The following SLC16A12 variants were observed in gnomAD, a reference collection of about 807,000 sequenced individuals.
The protein encoded by SLC16A12 is monocarboxylate transporter 12.
A neutral mutation model predicts 42.4 loss-of-function variants in SLC16A12; 17 were observed. The ratio of observed to expected loss-of-function variants is 0.40; its 90% CI spans 0.27 to 0.60. SLC16A12 has a LOEUF of 0.60. SLC16A12 is among the 20% of genes least tolerant of loss of function. The probability of loss-of-function intolerance (pLI) is 0.42; values close to 1 mark genes in which losing one functional copy is unlikely to be tolerated. For missense variants in SLC16A12, 544 were observed against 623.0 expected (o/e 0.87, Z 1.35); for synonymous variants, 224 against 229.4 (o/e 0.98, Z 0.21).
chr10:89,477,486 C>T (rs1842598928), intron 2 of SLC16A12, among the ~76,000 whole-genome samples: 1 of 149,990 alleles, frequency 6.7e-6, no homozygotes, highest in South Asian at 2.1e-4. Flanking sequence ...ATCACTTGAA[C>T]CCAGGAGGAG....
rs1236555467 is a variant in SLC16A12, at chr10:89,432,160, G to A, written c.*904C>T. ...AGGAATGCGTCTGCAGTCTAAGTAAGAGCTTCTTCTCTGAAGGTAAAAGAC... is the reference window on the plus strand; with the variant it reads ...AGGAATGCGTCTGCAGTCTAAGTAAAAGCTTCTTCTCTGAAGGTAAAAGAC... On this transcript the variant is annotated 3_prime_UTR_variant, in exon 8 of 8. Transcript: ENST00000371790. 6.6e-6 allele frequency: 1 copy of A among 152,626 alleles called. No homozygotes were observed. The highest frequency in any genetic ancestry group is 1.5e-5 in the Non-Finnish European group (1 of 68,032). The allele number at this position is 152,626 out of a possible 1,614,324, so 9.5% of individuals were successfully genotyped here. A position where few individuals can be genotyped will look rare whatever the true frequency, so the allele number is the denominator to read the frequency against.
intron 2 of SLC16A12, among the ~76,000 whole-genome samples, chr10:89,548,468 C>A (rs928901529): frequency 2.6e-5 from 4 of 151,992 alleles, no homozygotes; most frequent in African/African-American, 7.2e-5. Flanking sequence ...GAGCAGCAGG[C>A]CGAGGACCAG....
chr10:89,537,793 C>T (rs1404671211), upstream of SLC16A12, among the ~76,000 whole-genome samples: 2 of 152,242 alleles, frequency 1.3e-5, no homozygotes, highest in Non-Finnish European at 2.9e-5. Flanking sequence ...GGCTTCCTTT[C>T]GTCTAAGTCA....
At chr10:89,494,388 T>C (rs566945081) in intron 2 of SLC16A12, among the ~76,000 whole-genome samples, 2 of 152,212 alleles carry the variant, frequency 1.3e-5, no homozygotes, top group Non-Finnish European at 2.9e-5. Flanking sequence ...TGCTCAAATA[T>C]GCTCATATAA....
chr10:89,516,396 G>C (rs1020285463), intron 2 of SLC16A12, among the ~76,000 whole-genome samples: 1 of 152,210 alleles, frequency 6.6e-6, no homozygotes, highest in Non-Finnish European at 1.5e-5. Context: ...TGCTGTGACA[G>C]ACCATTAACT....
chr10:89,432,390 A>C lies in SLC16A12; in HGVS notation c.*674T>G, dbSNP rs1841707384. ...CAGATGCCCTTTAAGATCTATTCCA[A>C]CCATGGCATTCCATGATTATTTGGA... On this transcript the variant is annotated 3_prime_UTR_variant, in exon 8 of 8. Coordinates refer to ENST00000371790, the MANE Select transcript of SLC16A12 (RefSeq NM_213606.4). 1 of 152,248 alleles carries C rather than the reference A, an allele frequency of 6.6e-6. No homozygotes were observed. The highest frequency in any genetic ancestry group is 2.4e-5 in the African/African-American group (1 of 41,452). The allele number at this position is 152,248 out of a possible 1,614,324, so 9.4% of individuals were successfully genotyped here. A position where few individuals can be genotyped will look rare whatever the true frequency, so the allele number is the denominator to read the frequency against.
chr10:89,446,428 C>T (rs1158190055), intron 3 of SLC16A12, among the ~76,000 whole-genome samples: 1 of 152,152 alleles, frequency 6.6e-6, no homozygotes, highest in Non-Finnish European at 1.5e-5. Context: ...ACCCTGCAAG[C>T]CAGAAGAGAG....
At chr10:89,463,880 C>A (rs753813527) in intron 2 of SLC16A12, among the ~76,000 whole-genome samples, 17 of 152,170 alleles carry the variant, frequency 1.1e-4, no homozygotes, top group Non-Finnish European at 2.4e-4. Context: ...CTCTAAGGTA[C>A]CCCTATGGTC....
At chr10:89,502,124 G>C (rs763068295) in intron 2 of SLC16A12, among the ~76,000 whole-genome samples, 2 of 152,096 alleles carry the variant, frequency 1.3e-5, no homozygotes, top group Non-Finnish European at 2.9e-5. Context: ...GTAGTATACA[G>C]CACAATGACC....
At chr10:89,504,166 A>G (rs1446753124) in intron 2 of SLC16A12, among the ~76,000 whole-genome samples, 1 of 152,224 alleles carries the variant, frequency 6.6e-6, no homozygotes, top group Non-Finnish European at 1.5e-5. Flanking sequence ...CAGCTCTGAA[A>G]GTCTCTTTTC....
chr10:89,504,385 C>T (rs929186822), intron 2 of SLC16A12, among the ~76,000 whole-genome samples: 1 of 152,196 alleles, frequency 6.6e-6, no homozygotes, highest in Admixed American at 6.5e-5. Flanking sequence ...AACCCTAAAA[C>T]ACAAACATAC....
At chr10:89,455,557 T>A (rs934920432) in intron 3 of SLC16A12, among the ~76,000 whole-genome samples, 7 of 152,248 alleles carry the variant, frequency 4.6e-5, no homozygotes, top group Admixed American at 1.3e-4. Flanking sequence ...TTATCACTTA[T>A]CTGTTCTCAA....
At chr10:89,483,756 A>AC (rs1482620347) in intron 2 of SLC16A12, among the ~76,000 whole-genome samples, 3 of 149,572 alleles carry the variant, frequency 2.0e-5, no homozygotes, top group East Asian at 1.9e-4. Context: ...AAAAAAAACA[A>AC]AAAAAAAAAA....
intron 2 of SLC16A12, among the ~76,000 whole-genome samples, chr10:89,488,129 A>G (rs2133801824): frequency 6.6e-6 from 1 of 151,708 alleles, no homozygotes; most frequent in African/African-American, 2.4e-5. Context: ...GAGTGAAATC[A>G]TGTTTCTGCA....
chr10:89,471,899 T>C (rs1263645291), intron 2 of SLC16A12, among the ~76,000 whole-genome samples: 1 of 152,238 alleles, frequency 6.6e-6, no homozygotes, highest in Non-Finnish European at 1.5e-5. Flanking sequence ...AATTTTCATA[T>C]AATTATTAAC....
rs4934482 is a variant in SLC16A12, at chr10:89,472,736, A to G, written c.-46-10112T>C. Among the ~76,000 whole-genome samples, 536 of 151,748 alleles carry G rather than the reference A, an allele frequency of 3.5e-3. 1 individual carries two copies. The highest frequency in any genetic ancestry group is 5.9e-3 in the Non-Finnish European group (402 of 67,904). The stretch of plus-strand genomic sequence containing the variant: ...TCGAACTCCTGACCTCAAGGGATCC[A>G]CCTGCCTTGGCCTCCCAGAGTGCTA... On this transcript the variant is annotated intron_variant, in intron 2 of 7. Coordinates refer to ENST00000371790, the MANE Select transcript of SLC16A12 (RefSeq NM_213606.4).
intron 2 of SLC16A12, among the ~76,000 whole-genome samples, chr10:89,477,890 G>A (rs1685171664): frequency 1.4e-5 from 1 of 74,056 alleles, no homozygotes. Context: ...CCACCCCGAT[G>A]AAGTCCCTCT....
chr10:89,505,510 T>C (rs1843047485), intron 2 of SLC16A12, among the ~76,000 whole-genome samples: 1 of 151,838 alleles, frequency 6.6e-6, no homozygotes, highest in Non-Finnish European at 1.5e-5. Context: ...GCGAGACTGA[T>C]GCAGAAGATG....
intron 2 of SLC16A12, among the ~76,000 whole-genome samples, chr10:89,552,065 A>G (rs887262378): frequency 1.3e-5 from 2 of 152,116 alleles, no homozygotes; most frequent in African/African-American, 4.8e-5. Flanking sequence ...CCTCCTGAGT[A>G]GCTAGGACTA....
Sources: allele counts gnomAD v4.1 joint callset (sites outside exome capture counted in the v4.1 genomes callset), GRCh38; gene constraint gnomAD v4.1.1; transcripts MANE v1.5; gene names NCBI Gene and HGNC (gene_info 2026-07-23, HGNC 2026-07-21).